SHPK: variants seen among roughly 807,000 people sequenced by gnomAD.
The protein encoded by SHPK is sedoheptulokinase, also known as carbohydrate kinase-like protein.
A neutral mutation model predicts 46.3 loss-of-function variants in SHPK; 51 were observed. The observed-to-expected ratio is 1.10, with a 90% CI of 0.88 to 1.39. SHPK has a LOEUF of 1.39. Among genes scored for constraint, SHPK ranks in the 40% most tolerant of loss-of-function variants. The pLI is 0.00. For missense variants in SHPK, 668 were observed against 641.3 expected, an observed-to-expected ratio of 1.04 and a Z score of -0.45; for synonymous variants, 290 against 273.9, an observed-to-expected ratio of 1.06 and a Z score of -0.58.
At chr17:3,621,168 C>T (rs949342878) in intron 5 of SHPK, 69 bp downstream of exon 5, 2 of 1,340,544 alleles carry the variant, frequency 1.5e-6, no homozygotes, top group African/African-American at 3.0e-5. Flanking sequence ...CCTGCAGACT[C>T]GCACAGAGCT....
chr17:3,624,939 G>C (rs979370502), intron 2 of SHPK, among the ~76,000 whole-genome samples: 7 of 152,190 alleles, frequency 4.6e-5, no homozygotes, highest in African/African-American at 1.7e-4. Context: ...ACAGGCATGA[G>C]CCACCGCACC....
chr17:3,623,232 G>A (rs1160135609), intron 4 of SHPK, 107 bp downstream of exon 4: 1 of 1,303,452 alleles, frequency 7.7e-7, no homozygotes, highest in African/African-American at 1.5e-5. Flanking sequence ...TGGCCTCTGG[G>A]AACCCTCCAC....
Position 3,623,344 on chromosome 17 carries a change from T to A in SHPK, c.642A>T (p.Val214=), listed in dbSNP as rs1224545416. The A allele has an allele frequency of 8.7e-6, 14 of 1,614,170 alleles. No individual in the cohort carries two copies. The highest frequency in any genetic ancestry group is 1.1e-5 in the Non-Finnish European group (13 of 1,180,008). The change falls in exon 4 of 7, where the codon GTA becomes GTT. Residue 214 remains valine (V), a synonymous_variant. Coordinates refer to ENST00000225519, the MANE Select transcript of SHPK (RefSeq NM_013276.4). ...YFNTQSQSWN[V]ETLRSSGFPV... The stretch of plus-strand genomic sequence containing the variant: ...TGCAAGGATGTGATACTCACGTCTC[T>A]ACGTTCCAGCTTTGGCTCTGCGTGT...
chr17:3,612,014 G>A (rs999282037), intron 6 of SHPK, among the ~76,000 whole-genome samples: 3 of 151,684 alleles, frequency 2.0e-5, no homozygotes, highest in Non-Finnish European at 4.4e-5. Context: ...ACATTGGACA[G>A]GCTGGTCTCA....
intron 6 of SHPK, among the ~76,000 whole-genome samples, 178 bp from the exon 7 acceptor site, chr17:3,611,150 C>A (rs950522587): frequency 6.6e-6 from 1 of 152,202 alleles, no homozygotes; most frequent in Non-Finnish European, 1.5e-5. Flanking sequence ...TGCCCTGGAT[C>A]CCCGCCCGCT....
chr17:3,626,038 G>A (rs1170638842), intron 2 of SHPK, among the ~76,000 whole-genome samples: 1 of 150,520 alleles, frequency 6.6e-6, no homozygotes, highest in African/African-American at 2.4e-5. Flanking sequence ...GGGCAACAGA[G>A]TGAGGCTCCA....
Position 3,610,849 on chromosome 17 carries a change from G to T in SHPK, c.1148C>A (p.Ala383Asp), listed in dbSNP as rs750014095. 3.7e-6 allele frequency: 6 copies of T among 1,614,068 alleles called. No individual in the cohort carries two copies. Among genetic ancestry groups the T allele is most frequent in the Non-Finnish European group, 5.1e-6 (6 of 1,180,018 alleles). ...GGAGGAGGAGATTCTGGTCACTGAG[G>T]CCAGCTGGTCCGGCAGGTGCCTCTC... ...LGERHLPDQLASVTRISSSDL... is the reference protein window; with the variant it reads ...LGERHLPDQLDSVTRISSSDL... The change falls in exon 7 of 7, where the codon GCC becomes GAC. Residue 383 changes from alanine (A) to aspartate (D), a missense_variant. Coordinates refer to ENST00000225519, the MANE Select transcript of SHPK (RefSeq NM_013276.4).
intron 4 of SHPK, among the ~76,000 whole-genome samples, chr17:3,622,215 C>G (rs1029510708): frequency 6.6e-6 from 1 of 152,214 alleles, no homozygotes; most frequent in African/African-American, 2.4e-5. Flanking sequence ...ATTCAGTGCC[C>G]TCACAGGCAG....
intron 6 of SHPK, among the ~76,000 whole-genome samples, chr17:3,614,450 G>A (rs1033599518): frequency 2.6e-5 from 4 of 151,968 alleles, no homozygotes; most frequent in Non-Finnish European, 4.4e-5. Flanking sequence ...GCGTGAACCT[G>A]GGAGGCGGAG....
At chr17:3,624,701 T>A (rs1025871050) in intron 2 of SHPK, among the ~76,000 whole-genome samples, 2 of 152,140 alleles carry the variant, frequency 1.3e-5, no homozygotes, top group Non-Finnish European at 2.9e-5. Context: ...TCCCCCAGGT[T>A]GGAATGCAGT....
intron 6 of SHPK, among the ~76,000 whole-genome samples, chr17:3,611,789 G>A (rs1401721702): frequency 1.4e-5 from 2 of 142,712 alleles, no homozygotes; most frequent in African/African-American, 5.2e-5. Flanking sequence ...CACCACGTTA[G>A]CTCTGCGGGT....
Position 3,615,454 on chromosome 17 carries a change from G to A in SHPK, c.907C>T (p.Pro303Ser), listed in dbSNP as rs2075366697. ...TTGAAGTATGGGAAGTAGGCGACTG[G>A]GGCCGTAGGGTCTGGAGTCTGTGCA... Reference protein sequence around the residue: ...QPAQTPDPTAPVAYFPYFNRT... With the variant: ...QPAQTPDPTASVAYFPYFNRT... The change falls in exon 6 of 7, where the codon CCA (proline) becomes TCA (serine). Residue 303 changes from proline to serine, a missense_variant. Physicochemically the swap from Pro to Ser is moderately conservative, Grantham distance 74. Transcript: ENST00000225519. 1 of 1,614,176 alleles carries A rather than the reference G, an allele frequency of 6.2e-7. No homozygotes were observed. The highest frequency in any genetic ancestry group is 1.3e-5 in the African/African-American group (1 of 75,040).
intron 1 of SHPK, 72 bp downstream of exon 1, chr17:3,635,980 G>A (rs907329429): frequency 7.1e-7 from 1 of 1,405,312 alleles, no homozygotes; most frequent in Non-Finnish European, 9.4e-7. Flanking sequence ...GGCTGTCAGG[G>A]AGGCCTCCTG....
chr17:3,619,457 G>C, intron 5 of SHPK: 1 of 1,224,718 alleles, frequency 8.2e-7, no homozygotes, highest in Non-Finnish European at 1.2e-6. Flanking sequence ...CGGAGAGGCC[G>C]GGCACGATGG....
At chr17:3,615,239 G>A in intron 6 of SHPK, 98 bp downstream of exon 6, 7 of 1,194,740 alleles carry the variant, frequency 5.9e-6, no homozygotes, top group African/African-American at 1.5e-5. Flanking sequence ...ACCTCAATGT[G>A]GACGCTGAAA....
rs1048760497 is a variant in SHPK, at chr17:3,610,872, C to T, written c.1125G>A (p.Glu375=). The change falls in exon 7 of 7, where the codon GAG becomes GAA. Residue 375 remains glutamate (E), a synonymous_variant. Coordinates refer to ENST00000225519, the MANE Select transcript of SHPK (RefSeq NM_013276.4). ...AGGCCAGCTGGTCCGGCAGGTGCCTCTCCCCCAGCACTGTCGGGGTGATGG... is the reference window on the plus strand; with the variant it reads ...AGGCCAGCTGGTCCGGCAGGTGCCTTTCCCCCAGCACTGTCGGGGTGATGG... ...HLTITPTVLG[E]RHLPDQLASV... is the part of the protein sequence containing the mutation. 1.9e-6 allele frequency: 3 copies of T among 1,613,890 alleles called. No individual in the cohort carries two copies. The African/African-American group carries it at 4.0e-5, about 22-fold the overall frequency.
At chr17:3,626,266 T>C (rs1194263110) in intron 2 of SHPK, among the ~76,000 whole-genome samples, 1 of 152,218 alleles carries the variant, frequency 6.6e-6, no homozygotes, top group East Asian at 1.9e-4. Context: ...TTTGACATTC[T>C]ATGGGCCCTT....
In SHPK at chr17:3,621,431, C is replaced by T. The variant is rs754995934; in HGVS notation, c.648-19G>A. 3.1e-6 allele frequency: 5 copies of T among 1,610,954 alleles called. No homozygotes were observed. The highest frequency in any genetic ancestry group is 3.4e-6 in the Non-Finnish European group (4 of 1,178,350). On this transcript the variant is annotated intron_variant, in intron 4 of 6. Coordinates refer to ENST00000225519, the MANE Select transcript of SHPK (RefSeq NM_013276.4). ...CCTCAGTCTGTAAAACAGAAGTGGA[C>T]ACCCACATGGACCCACAGTTAGGTT... is the stretch of plus-strand genomic sequence containing the variant.
chr17:3,611,780 A>T (rs1244969928), intron 6 of SHPK, among the ~76,000 whole-genome samples: 1 of 142,422 alleles, frequency 7.0e-6, no homozygotes, highest in Non-Finnish European at 1.5e-5. Flanking sequence ...TCTCCCTGAC[A>T]CCACGTTAGC....
Sources: gnomAD v4.1 joint callset for allele counts (sites outside exome capture counted in the v4.1 genomes callset) on GRCh38, gnomAD v4.1.1 for gene constraint, MANE v1.5 for transcripts, NCBI Gene and HGNC (gene_info 2026-07-23, HGNC 2026-07-21) for gene names.